Variants in PXT1 observed in about 807,000 individuals in gnomAD.
PXT1 encodes peroxisomal testis enriched protein 1, also known as peroxisomal testis-specific protein 1.
PXT1 carries 11 observed loss-of-function variants against 11.0 expected under a neutral mutation model. That is an observed-to-expected ratio of 1.00 (90% confidence interval 0.63 to 1.66). The LOEUF (loss-of-function observed/expected upper bound fraction) is 1.66, where lower values mean the gene tolerates loss of function less well. PXT1 is among the 40% of genes most tolerant of loss of function. The probability of loss-of-function intolerance (pLI) is 0.00; values close to 1 mark genes in which losing one functional copy is unlikely to be tolerated. For synonymous variants in PXT1, 43 were observed against 51.4 expected, an observed-to-expected ratio of 0.84 and a Z score of 0.70; for missense variants, 141 against 155.5, an observed-to-expected ratio of 0.91 and a Z score of 0.49.
rs1774051922 is a variant in PXT1 at position 36,390,610 on chromosome 6, T to C, written c.*1160A>G. ...TTTTTAGAATTTTTTAAAATAACAC[T>C]TCCCCTATGAAGAACTCAAGATACA... On this transcript the variant is annotated 3_prime_UTR_variant, in exon 5 of 5. Transcript: ENST00000454782. 6.6e-6 allele frequency: 1 copy of C among 152,220 alleles called. No individual in the cohort carries two copies. Among genetic ancestry groups the C allele is most frequent in the Non-Finnish European group, 1.5e-5 (1 of 68,038 alleles). The allele number at this position is 152,220 out of a possible 1,614,324, so 9.4% of individuals were successfully genotyped here.
intron 3 of PXT1, among the ~76,000 whole-genome samples, chr6:36,411,381 G>A (rs1774373362): frequency 6.6e-6 from 1 of 152,158 alleles, no homozygotes; most frequent in African/African-American, 2.4e-5. Context: ...AACCCAGGAG[G>A]TGGAGGTTGC....
chr6:36,416,815 G>T (rs1379668107), intron 3 of PXT1, among the ~76,000 whole-genome samples: 1 of 152,218 alleles, frequency 6.6e-6, no homozygotes, highest in Non-Finnish European at 1.5e-5. Context: ...GGATAGCATG[G>T]AAGAGCTGAC....
rs1774068804 is a variant in PXT1 at position 36,391,709 on chromosome 6, T to C, written c.*61A>G. On this transcript the variant is annotated 3_prime_UTR_variant, in exon 5 of 5. Transcript: ENST00000454782. ...GTTCTTCCCATCTGTCCCAGTGGGATTCATGTTTCTCAGAGGGTAAAAAGA... is the reference window on the plus strand; with the variant it reads ...GTTCTTCCCATCTGTCCCAGTGGGACTCATGTTTCTCAGAGGGTAAAAAGA... The C allele has an allele frequency of 1.8e-6, 2 of 1,088,086 alleles. No individual in the cohort carries two copies. Among genetic ancestry groups the C allele is most frequent in the African/African-American group, 3.1e-5 (2 of 64,432 alleles). 67.4% of individuals were successfully genotyped at this position (1,088,086 alleles called of 1,614,324 possible). A position where few individuals can be genotyped will look rare whatever the true frequency, so the allele number is the denominator to read the frequency against.
At chr6:36,437,859 G>T in intron 2 of PXT1, among the ~76,000 whole-genome samples, 1 of 120,276 alleles carries the variant, frequency 8.3e-6, no homozygotes. Flanking sequence ...TTGCTCTGTC[G>T]TCCAGGCTGG....
chr6:36,441,601 G>A (rs1261102961), intron 1 of PXT1, among the ~76,000 whole-genome samples: 4 of 152,122 alleles, frequency 2.6e-5, no homozygotes, highest in Admixed American at 2.0e-4. Flanking sequence ...GCAAGCAGCA[G>A]GGAAGCTGAG....
chr6:36,405,388 T>A (rs1338047018), intron 3 of PXT1, among the ~76,000 whole-genome samples: 3 of 152,066 alleles, frequency 2.0e-5, no homozygotes, highest in Non-Finnish European at 4.4e-5. Flanking sequence ...TTTTTTTTTT[T>A]TTATTTTGAG....
intron 4 of PXT1, 198 bp from the exon 5 acceptor site, chr6:36,392,072 G>T: frequency 2.0e-6 from 1 of 505,594 alleles, no homozygotes; most frequent in Non-Finnish European, 3.5e-6. Context: ...CAACGCCTCT[G>T]GACATATTTT....
intron 3 of PXT1, among the ~76,000 whole-genome samples, chr6:36,412,369 T>TA (rs1186632848): frequency 1.5e-4 from 21 of 141,028 alleles, no homozygotes; most frequent in Non-Finnish European, 2.0e-4. Context: ...AAAACAAAAA[T>TA]AAAAAAAATA....
At position 36,401,957 on chromosome 6, in the gene PXT1, C is replaced by CATAT. The variant is rs3045959; in HGVS notation, c.170-1377_170-1374dup. On this transcript the variant is annotated intron_variant, in intron 3 of 4. Coordinates refer to ENST00000454782, the MANE Select transcript of PXT1 (RefSeq NM_152990.4). ...TATATAAAAAATGTGTGTATACATG[C>CATAT]ATATATATATATATATGTATATATA... Among the ~76,000 whole-genome samples, 67 of 144,910 alleles carry CATAT rather than the reference C, an allele frequency of 4.6e-4. 1 individual carries two copies. Among genetic ancestry groups the CATAT allele is most frequent in the East Asian group, 1.8e-3 (9 of 5,034 alleles).
intron 2 of PXT1, among the ~76,000 whole-genome samples, chr6:36,435,071 T>G (rs76620210): frequency 0.014 from 2,084 of 151,416 alleles, 44 homozygotes; most frequent in African/African-American, 0.046. Flanking sequence ...AGTTACAATA[T>G]CTGAATAATA....
intron 3 of PXT1, among the ~76,000 whole-genome samples, chr6:36,415,435 C>T (rs1273735874): frequency 6.6e-6 from 1 of 152,108 alleles, no homozygotes; most frequent in Non-Finnish European, 1.5e-5. Context: ...TGTAGTTAGA[C>T]TCTGTCTCAA....
chr6:36,420,341 A>T (rs1187895488), intron 3 of PXT1, among the ~76,000 whole-genome samples: 3 of 152,252 alleles, frequency 2.0e-5, no homozygotes, highest in African/African-American at 7.2e-5. Flanking sequence ...ATACTATGCC[A>T]CTGTAAAAAA....
intron 4 of PXT1, among the ~76,000 whole-genome samples, chr6:36,392,618 G>C (rs1433577514): frequency 6.6e-6 from 1 of 152,108 alleles, no homozygotes; most frequent in African/African-American, 2.4e-5. Context: ...CTGTGATTGT[G>C]CCACAGCACT....
chr6:36,429,861 T>TC (rs77185177), intron 2 of PXT1, among the ~76,000 whole-genome samples: 65,140 of 151,596 alleles, frequency 0.43, 15,424 homozygotes, highest in African/African-American at 0.61. Flanking sequence ...AAATAATTTA[T>TC]TTCTTTGTGG....
At chr6:36,397,337 A>G (rs1313716608) in intron 4 of PXT1, among the ~76,000 whole-genome samples, 1 of 152,188 alleles carries the variant, frequency 6.6e-6, no homozygotes, top group Non-Finnish European at 1.5e-5. Flanking sequence ...GCTACTTAGG[A>G]GGTTGAGGTG....
chr6:36,409,968 A>AAAAAGAAAG (rs776496710), intron 3 of PXT1, among the ~76,000 whole-genome samples: 2 of 147,028 alleles, frequency 1.4e-5, no homozygotes, highest in African/African-American at 5.1e-5. Context: ...AGAAAGAGAA[A>AAAAAGAAAG]AAAGAAAGAA....
chr6:36,437,956 AT>A (rs1249976118), intron 2 of PXT1, among the ~76,000 whole-genome samples: 2 of 148,742 alleles, frequency 1.3e-5, no homozygotes, highest in African/African-American at 5.0e-5. Context: ...AGTAGCTGGG[AT>A]TACAGGAACC....
At chr6:36,432,444 AC>A in intron 2 of PXT1, among the ~76,000 whole-genome samples, 1 of 152,228 alleles carries the variant, frequency 6.6e-6, no homozygotes, top group South Asian at 2.1e-4. Flanking sequence ...ACTGAGACTC[AC>A]CTCAAACCAC....
intron 1 of PXT1, among the ~76,000 whole-genome samples, chr6:36,440,503 G>T (rs917421570): frequency 1.1e-4 from 17 of 151,798 alleles, no homozygotes; most frequent in African/African-American, 4.1e-4. Context: ...CTGGGAGGGG[G>T]ATTAAGTCCA....
Sources: gnomAD v4.1 joint callset for allele counts (sites outside exome capture counted in the v4.1 genomes callset) on GRCh38, gnomAD v4.1.1 for gene constraint, MANE v1.5 for transcripts, NCBI Gene and HGNC (gene_info 2026-07-23, HGNC 2026-07-21) for gene names.